Variants in COMMD10 observed in about 807,000 individuals in gnomAD.
COMMD10 encodes COMM domain-containing protein 10.
Under a neutral mutation model 28.9 loss-of-function variants are expected in COMMD10, and 33 were observed. The observed-to-expected ratio is 1.14, with a 90% CI of 0.87 to 1.53. The LOEUF (loss-of-function observed/expected upper bound fraction) is 1.53. Ranked by LOEUF, COMMD10 falls within the 40% of genes most tolerant of loss-of-function variation. The probability of loss-of-function intolerance (pLI) is 0.00; values close to 1 mark genes in which losing one functional copy is unlikely to be tolerated. For synonymous variants in COMMD10, 110 were observed against 81.7 expected (o/e 1.35, Z -1.87); for missense variants, 310 against 233.4 (o/e 1.33, Z -2.14).
At chr5:116,242,548 A>G (rs993400206) in intron 5 of COMMD10, among the ~76,000 whole-genome samples, 1 of 152,208 alleles carries the variant, frequency 6.6e-6, no homozygotes, top group Admixed American at 6.5e-5. Context: ...TTCAGTAGCT[A>G]GTGGCCTGCT....
At chr5:116,284,198 C>A (rs561725594) in intron 5 of COMMD10, among the ~76,000 whole-genome samples, 1 of 151,912 alleles carries the variant, frequency 6.6e-6, no homozygotes, top group Admixed American at 6.5e-5. Context: ...AACCTAAAAT[C>A]CAATTTTGCA....
intron 5 of COMMD10, among the ~76,000 whole-genome samples, chr5:116,140,996 T>C (rs1752178175): frequency 6.6e-6 from 1 of 151,798 alleles, no homozygotes; most frequent in South Asian, 2.1e-4. Context: ...TAATTCAAAA[T>C]ATCAGACTAG....
chr5:116,270,409 T>C lies in COMMD10; in HGVS notation c.511-21108T>C, dbSNP rs774045116. Among the ~76,000 whole-genome samples the C allele has an allele frequency of 4.6e-5, 7 of 151,800 alleles. No homozygotes were observed. In the East Asian group the frequency reaches 7.7e-4, roughly 17 times the overall value. Reference sequence around the variant, plus strand: ...AGGCAAAAAAGGTAGAACTTTACAGTTGGTTGTGGAGAAGATATTGACTGT... The same window carrying C: ...AGGCAAAAAAGGTAGAACTTTACAGCTGGTTGTGGAGAAGATATTGACTGT... On this transcript the variant is annotated intron_variant, in intron 5 of 6. Coordinates refer to ENST00000274458, the MANE Select transcript of COMMD10 (RefSeq NM_016144.4).
At chr5:116,102,492 G>C (rs1750696960) in intron 4 of COMMD10, among the ~76,000 whole-genome samples, 1 of 151,974 alleles carries the variant, frequency 6.6e-6, no homozygotes, top group African/African-American at 2.4e-5. Context: ...GAGAGTGTAA[G>C]GCCTCCAGGT....
chr5:116,211,809 C>T (rs1294764584), intron 5 of COMMD10, among the ~76,000 whole-genome samples: 2 of 152,172 alleles, frequency 1.3e-5, no homozygotes, highest in Admixed American at 6.5e-5. Flanking sequence ...CAGAGGCAGT[C>T]AACTGTTCAT....
chr5:116,094,115 A>C (rs925232112), intron 4 of COMMD10, among the ~76,000 whole-genome samples: 1 of 152,172 alleles, frequency 6.6e-6, no homozygotes, highest in African/African-American at 2.4e-5. Context: ...TCTAGGCAAA[A>C]ATTTTATGGC....
intron 4 of COMMD10, among the ~76,000 whole-genome samples, chr5:116,097,870 C>G (rs1221648852): frequency 6.6e-6 from 1 of 152,022 alleles, no homozygotes; most frequent in Non-Finnish European, 1.5e-5. Context: ...GAGAACTCAA[C>G]TATCACAAGA....
chr5:116,125,655 G>A (rs899176792), intron 4 of COMMD10, among the ~76,000 whole-genome samples: 1 of 152,062 alleles, frequency 6.6e-6, no homozygotes, highest in Admixed American at 6.6e-5. Flanking sequence ...TTTCCAACTT[G>A]GTTCCATTCT....
intron 5 of COMMD10, among the ~76,000 whole-genome samples, chr5:116,184,103 G>C (rs1748062967): frequency 6.6e-6 from 1 of 152,002 alleles, no homozygotes; most frequent in South Asian, 2.1e-4. Context: ...TTAATGACTA[G>C]TGAAAGAAGT....
rs77827974 is a variant in COMMD10 at position 116,110,607 on chromosome 5, G to C, written c.399+17907G>C. 5.3e-4 allele frequency among the ~76,000 whole-genome samples: 81 copies of C among 152,224 alleles called. 2 individuals are homozygous for C. In the East Asian group the frequency reaches 0.015, roughly 28 times the overall value. ...ATCTTGGGAGGTTGTGTATTAGTCT[G>C]TTCTTACATTGCTACACAGAAATAC... is the stretch of plus-strand genomic sequence containing the variant. On this transcript the variant is annotated intron_variant, in intron 4 of 6. Coordinates refer to ENST00000274458, the MANE Select transcript of COMMD10 (RefSeq NM_016144.4).
chr5:116,130,932 A>G (rs1006636304), intron 4 of COMMD10, among the ~76,000 whole-genome samples: 2 of 152,054 alleles, frequency 1.3e-5, no homozygotes, highest in African/African-American at 4.8e-5. Context: ...AAAATACTTG[A>G]TAGTTTCTTG....
chr5:116,105,609 G>T (rs1273459818), intron 4 of COMMD10, among the ~76,000 whole-genome samples: 1 of 152,160 alleles, frequency 6.6e-6, no homozygotes, highest in Admixed American at 6.6e-5. Context: ...TGGTTGGTAG[G>T]CTATTAACTA....
chr5:116,186,164 A>G (rs1423601187), intron 5 of COMMD10, among the ~76,000 whole-genome samples: 2 of 152,120 alleles, frequency 1.3e-5, no homozygotes, highest in Non-Finnish European at 2.9e-5. Flanking sequence ...TAACAAATTA[A>G]TCAACTTATT....
chr5:116,255,648 T>C (rs1023495956), intron 5 of COMMD10: 2 of 151,646 alleles, frequency 1.3e-5, no homozygotes, highest in African/African-American at 4.9e-5. Context: ...GTTTACATTT[T>C]ATCATTTTAG....
chr5:116,136,786 C>A (rs1752036835), intron 5 of COMMD10, among the ~76,000 whole-genome samples: 1 of 152,082 alleles, frequency 6.6e-6, no homozygotes, highest in Non-Finnish European at 1.5e-5. Context: ...ATTGATTAAT[C>A]TTATAACTTG....
At chr5:116,118,260 A>T (rs1000014795) in intron 4 of COMMD10, among the ~76,000 whole-genome samples, 1 of 151,414 alleles carries the variant, frequency 6.6e-6, no homozygotes, top group African/African-American at 2.4e-5. Flanking sequence ...CATAATATTT[A>T]TTTTTTTTGT....
chr5:116,233,650 G>A (rs1749584774), intron 5 of COMMD10, among the ~76,000 whole-genome samples: 1 of 152,132 alleles, frequency 6.6e-6, no homozygotes, highest in Admixed American at 6.5e-5. Flanking sequence ...GATGTGAGAG[G>A]ATAAACCACG....
At chr5:116,153,171 G>C (rs1158268327) in intron 5 of COMMD10, among the ~76,000 whole-genome samples, 1 of 152,084 alleles carries the variant, frequency 6.6e-6, no homozygotes, top group Admixed American at 6.6e-5. Flanking sequence ...GAGATGGACA[G>C]ATCTTACATA....
chr5:116,289,931 C>G (rs1194377375), intron 5 of COMMD10, among the ~76,000 whole-genome samples: 1 of 151,862 alleles, frequency 6.6e-6, no homozygotes, highest in Admixed American at 6.6e-5. Context: ...AGCTATTGTT[C>G]TTTTAAGAAG....
Sources: gnomAD v4.1 joint callset for allele counts (sites outside exome capture counted in the v4.1 genomes callset) on GRCh38, gnomAD v4.1.1 for gene constraint, MANE v1.5 for transcripts, NCBI Gene and HGNC (gene_info 2026-07-23, HGNC 2026-07-21) for gene names.